Variants in LOC128092249 observed in about 807,000 individuals in gnomAD.
chr21:46,326,342 C>T, the LOC128092249 span: 3 of 1,603,200 alleles, frequency 1.9e-6, no homozygotes, highest in South Asian at 2.2e-5. Flanking sequence ...TCTCACTTAC[C>T]TTTGCCTTTA....
chr21:46,326,481 G>A, the LOC128092249 span: 2 of 1,614,138 alleles, frequency 1.2e-6, no homozygotes, highest in Non-Finnish European at 1.7e-6. Context: ...TCCAGGAGGA[G>A]AGTCCGGTAA....
At chr21:46,326,333 C>T in the LOC128092249 span, 2 of 1,588,180 alleles carry the variant, frequency 1.3e-6, no homozygotes, top group African/African-American at 1.3e-5. Context: ...TTATTTTTTT[C>T]TCACTTACCT....
chr21:46,326,461 G>C, the LOC128092249 span: 108 of 1,614,222 alleles, frequency 6.7e-5, 2 homozygotes, highest in Middle Eastern at 2.6e-3. Context: ...CTCGGCTGTC[G>C]ATGCGTCTGT....
chr21:46,326,465 C>A, the LOC128092249 span: 28 of 1,614,072 alleles, frequency 1.7e-5, no homozygotes, highest in Non-Finnish European at 2.3e-5. Context: ...GCTGTCGATG[C>A]GTCTGTCCAG....
chr21:46,326,436 G>T, the LOC128092249 span: 1 of 1,614,084 alleles, frequency 6.2e-7, no homozygotes, highest in African/African-American at 1.3e-5. Flanking sequence ...AGAAAAAGAC[G>T]GCGAAGAGGA....
chr21:46,326,384 A>G, the LOC128092249 span: 5 of 1,614,026 alleles, frequency 3.1e-6, no homozygotes, highest in South Asian at 3.3e-5. Context: ...CAGCTTGCTC[A>G]CTTCCGACAG....
At chr21:46,326,340 A>G in the LOC128092249 span, 1 of 1,600,318 alleles carries the variant, frequency 6.2e-7, no homozygotes, top group Non-Finnish European at 8.6e-7. Flanking sequence ...TTTCTCACTT[A>G]CCTTTGCCTT....
the LOC128092249 span, chr21:46,326,408 G>T: frequency 6.2e-7 from 1 of 1,614,212 alleles, no homozygotes; most frequent in Non-Finnish European, 8.5e-7. Context: ...AAAACAAAAG[G>T]TGACAGTTCG....
chr21:46,326,335 C>A, the LOC128092249 span: 1 of 1,590,942 alleles, frequency 6.3e-7, no homozygotes, highest in South Asian at 1.1e-5. Flanking sequence ...ATTTTTTTCT[C>A]ACTTACCTTT....
the LOC128092249 span, chr21:46,326,426 A>C: frequency 6.2e-7 from 1 of 1,614,208 alleles, no homozygotes. Context: ...TCGCATTCGG[A>C]GAAAAAGACG....
the LOC128092249 span, chr21:46,326,325 A>AT: frequency 1.3e-6 from 2 of 1,571,814 alleles, no homozygotes; most frequent in Non-Finnish European, 1.7e-6. Flanking sequence ...TGGTTCTGTT[A>AT]TTTTTTTCTC....
At chr21:46,326,409 T>C in the LOC128092249 span, 1 of 1,614,222 alleles carries the variant, frequency 6.2e-7, no homozygotes, top group Non-Finnish European at 8.5e-7. Flanking sequence ...AAACAAAAGG[T>C]GACAGTTCGC....
chr21:46,326,365 A>G, the LOC128092249 span: 2 of 1,613,732 alleles, frequency 1.2e-6, no homozygotes, highest in Admixed American at 1.7e-5. Flanking sequence ...ACTTATCTAC[A>G]TTTTTGCGCA....
chr21:46,326,402 CA>C, the LOC128092249 span: 3 of 1,614,182 alleles, frequency 1.9e-6, no homozygotes, highest in Non-Finnish European at 2.5e-6. Flanking sequence ...CAGAGAAAAA[CA>C]AAAGGTGACA....
the LOC128092249 span, chr21:46,326,372 C>T: frequency 3.7e-6 from 6 of 1,613,842 alleles, no homozygotes; most frequent in South Asian, 1.1e-5. Flanking sequence ...TACATTTTTG[C>T]GCAGCTTGCT....
the LOC128092249 span, chr21:46,326,439 G>A: frequency 1.9e-6 from 3 of 1,614,222 alleles, no homozygotes; most frequent in East Asian, 2.2e-5. Context: ...AAAAGACGGC[G>A]AAGAGGAAGG....
At chr21:46,326,438 C>A in the LOC128092249 span, 2 of 1,614,146 alleles carry the variant, frequency 1.2e-6, no homozygotes, top group South Asian at 2.2e-5. Flanking sequence ...AAAAAGACGG[C>A]GAAGAGGAAG....
the LOC128092249 span, chr21:46,326,348 C>G: frequency 9.9e-6 from 16 of 1,609,420 alleles, no homozygotes; most frequent in Non-Finnish European, 1.3e-5. Context: ...TTACCTTTGC[C>G]TTTACTACTT....
the LOC128092249 span, chr21:46,326,327 T>C: frequency 1.5e-4 from 242 of 1,580,574 alleles, 1 homozygote; most frequent in South Asian, 2.6e-3. Flanking sequence ...GTTCTGTTAT[T>C]TTTTTCTCAC....
Sources: allele counts gnomAD v4.1 joint callset, GRCh38; gene constraint gnomAD v4.1.1; transcripts MANE v1.5.